NOL7: variants seen among roughly 807,000 people sequenced by gnomAD.
NOL7 encodes nucleolar protein 7, also known as U3 small nucleolar RNA-associated protein NOL7.
NOL7 carries 36 observed loss-of-function variants against 38.4 expected under a neutral mutation model. The ratio of observed to expected loss-of-function variants is 0.94; its 90% CI spans 0.72 to 1.24. The LOEUF (loss-of-function observed/expected upper bound fraction) is 1.24. Ranked by LOEUF, NOL7 falls within the 50% of genes most tolerant of loss-of-function variation. NOL7 has a pLI of 0.00. For synonymous variants in NOL7, 142 were observed against 126.5 expected (o/e 1.12, Z -0.82); for missense variants, 350 against 315.1 (o/e 1.11, Z -0.84).
At chr6:13,617,141 AC>A (rs1241582731) in intron 3 of NOL7, among the ~76,000 whole-genome samples, 1 of 152,058 alleles carries the variant, frequency 6.6e-6, no homozygotes. Context: ...CCAAAGAGTT[AC>A]TCAGATCCTG....
At chr6:13,618,242 T>A (rs572324719) in intron 5 of NOL7, 103 bp downstream of exon 5, 104 of 355,468 alleles carry the variant, frequency 2.9e-4, no homozygotes, top group African/African-American at 1.5e-3. Flanking sequence ...ATTTTATTTT[T>A]ATTTTTTTAT....
chr6:13,631,640 C>T (rs564378830), intron 8 of NOL7, among the ~76,000 whole-genome samples: 1 of 152,300 alleles, frequency 6.6e-6, no homozygotes, highest in African/African-American at 2.4e-5. Context: ...CTGCATTCAT[C>T]TCCCCTTTAA....
At chr6:13,622,509 TA>T (rs1458232394), downstream of NOL7, 2 of 1,551,308 alleles carry the variant, frequency 1.3e-6, no homozygotes, top group South Asian at 1.2e-5. Context: ...AAAAATAATT[TA>T]AAAATGAGAA....
downstream of NOL7, among the ~76,000 whole-genome samples, chr6:13,623,828 A>AAGT (rs1399929770): frequency 2.6e-5 from 4 of 152,222 alleles, no homozygotes; most frequent in African/African-American, 9.6e-5. Context: ...TTTATGGCTG[A>AAGT]ATCTACATAA....
chr6:13,618,824 G>A (rs1309627905), intron 5 of NOL7, among the ~76,000 whole-genome samples: 4 of 152,136 alleles, frequency 2.6e-5, no homozygotes, highest in Non-Finnish European at 5.9e-5. Context: ...CCAGGAGGTC[G>A]AGGCTGCAGT....
Position 13,620,739 on chromosome 6 carries a change from A to C in NOL7, c.701-15A>C. ...TTTTTCTAATATACTTACTGCAGAA[A>C]ACTTTATATTCTAGGAATCCAAAAA... On this transcript the variant is annotated splice_polypyrimidine_tract_variant and intron_variant, in intron 7 of 7. Coordinates refer to ENST00000451315, the MANE Select transcript of NOL7 (RefSeq NM_016167.5). 6.5e-7 allele frequency: 1 copy of C among 1,544,232 alleles called. No homozygotes were observed. Among genetic ancestry groups the C allele is most frequent in the South Asian group, 1.2e-5 (1 of 84,248 alleles).
chr6:13,630,964 C>G (rs1261237731), intron 8 of NOL7, among the ~76,000 whole-genome samples: 1 of 152,080 alleles, frequency 6.6e-6, no homozygotes, highest in Non-Finnish European at 1.5e-5. Flanking sequence ...CGCCCGCCAC[C>G]AGGCCCAGCT....
intron 7 of NOL7, 23 bp downstream of exon 7, chr6:13,620,508 T>TGTCTC (rs1764413667): frequency 6.3e-7 from 1 of 1,591,614 alleles, no homozygotes. Flanking sequence ...TTTATTCTCC[T>TGTCTC]GTCTCTAATA....
At chr6:13,619,984 G>A (rs963419442) in intron 5 of NOL7, among the ~76,000 whole-genome samples, 57 of 152,110 alleles carry the variant, frequency 3.7e-4, no homozygotes, top group East Asian at 1.9e-4. Context: ...GTGAAACCCC[G>A]TCTCTACTGA....
intron 8 of NOL7, among the ~76,000 whole-genome samples, chr6:13,627,827 C>T (rs7760411): frequency 0.49 from 74,617 of 151,752 alleles, 19,354 homozygotes; most frequent in Admixed American, 0.6. Flanking sequence ...TCATAGCCTA[C>T]ATCCTAACAC....
chr6:13,623,621 T>C (rs762501025), downstream of NOL7, among the ~76,000 whole-genome samples: 3 of 152,170 alleles, frequency 2.0e-5, no homozygotes, highest in Non-Finnish European at 4.4e-5. Context: ...TTAATTTTAT[T>C]TTGGCCAAAG....
intron 7 of NOL7, 123 bp from the exon 8 acceptor site, chr6:13,620,631 G>A: frequency 1.0e-6 from 1 of 962,862 alleles, no homozygotes; most frequent in South Asian, 1.6e-5. Context: ...AATGTAGTAT[G>A]TATATACATC....
At chr6:13,622,812 T>C (rs1391390488), downstream of NOL7, among the ~76,000 whole-genome samples, 1 of 152,136 alleles carries the variant, frequency 6.6e-6, no homozygotes, top group Non-Finnish European at 1.5e-5. Flanking sequence ...GAGTGGAGAG[T>C]AAGGAATTAT....
chr6:13,631,496 T>G (rs1764780121), intron 8 of NOL7, among the ~76,000 whole-genome samples: 1 of 152,172 alleles, frequency 6.6e-6, no homozygotes, highest in African/African-American at 2.4e-5. Context: ...AAGTATCAGA[T>G]TTTGGAGCAC....
At chr6:13,618,542 C>T (rs901676019) in intron 5 of NOL7, among the ~76,000 whole-genome samples, 4 of 152,110 alleles carry the variant, frequency 2.6e-5, no homozygotes, top group African/African-American at 4.8e-5. Flanking sequence ...CCACCGCGCC[C>T]GGCCGGGAAA....
In NOL7 at chr6:13,621,031, A is replaced by G. The variant is rs763616310; in HGVS notation, c.*204A>G. The G allele has an allele frequency of 6.8e-4, 253 of 372,666 alleles. 2 individuals carry two copies. Among genetic ancestry groups the G allele is most frequent in the Middle Eastern group, 3.2e-3 (4 of 1,236 alleles). The allele number at this position is 372,666 out of a possible 1,614,324, so 23.1% of individuals were successfully genotyped here. ...AAGAAGGAATTGTTTTCTTTTTAAT[A>G]TATTTAACTGAATTCAAGCCATACC... On this transcript the variant is annotated 3_prime_UTR_variant, in exon 8 of 8. Transcript: ENST00000451315.
Position 13,618,137 on chromosome 6 carries a change from C to G in NOL7, c.498C>G (p.Val166=), listed in dbSNP as rs763239332. Residue 166 remains valine, a splice_region_variant and synonymous_variant, in exon 5 of 8, where the codon GTC becomes GTG. Transcript: ENST00000451315. ...TTAAAGTACAAAAAGTACAGTCTGT[C>G]AGGTAATGAGTCTTTTGTTTCATTT... is the stretch of plus-strand genomic sequence containing the variant. ...KKVKVQKVQS[V]SQNKSYLAVR... is the part of the protein sequence containing the mutation. 2 of 1,554,118 alleles carry G rather than the reference C, an allele frequency of 1.3e-6. No individual in the cohort carries two copies. The highest frequency in any genetic ancestry group is 3.4e-5 in the Admixed American group (2 of 58,402).
intron 8 of NOL7, among the ~76,000 whole-genome samples, chr6:13,629,699 T>C (rs1764720338): frequency 6.6e-6 from 1 of 152,066 alleles, no homozygotes; most frequent in Middle Eastern, 3.2e-3. Context: ...AAAAATTCAA[T>C]AAACAGCTGC....
In NOL7 at chr6:13,620,849, TG is replaced by T. The variant is rs2127755584; in HGVS notation, c.*23del. The stretch of plus-strand genomic sequence containing the variant: ...GTAAATCAATGCTAAATGAAGAATC[TG>T]TACTTTGTATGTATAGAATTTATCT... On this transcript the variant is annotated 3_prime_UTR_variant, in exon 8 of 8. Coordinates refer to ENST00000451315, the MANE Select transcript of NOL7 (RefSeq NM_016167.5). 1 of 1,394,922 alleles carries T rather than the reference TG, an allele frequency of 7.2e-7. No homozygotes were observed. The highest frequency in any genetic ancestry group is 1.4e-5 in the African/African-American group (1 of 69,514). 86.4% of individuals were successfully genotyped at this position (1,394,922 alleles called of 1,614,324 possible). A position where few individuals can be genotyped will look rare whatever the true frequency, so the allele number is the denominator to read the frequency against.
Sources: gnomAD v4.1 joint callset for allele counts (sites outside exome capture counted in the v4.1 genomes callset) on GRCh38, gnomAD v4.1.1 for gene constraint, MANE v1.5 for transcripts, NCBI Gene and HGNC (gene_info 2026-07-23, HGNC 2026-07-21) for gene names.